The following UBLCP1 variants were observed in gnomAD, a reference collection of about 807,000 sequenced individuals.
UBLCP1 encodes ubiquitin like domain containing CTD phosphatase 1.
UBLCP1 carries 28 observed loss-of-function variants against 42.4 expected under a neutral mutation model. The ratio of observed to expected loss-of-function variants is 0.66; its 90% CI spans 0.49 to 0.90. The LOEUF is 0.90. Among genes scored for constraint, UBLCP1 ranks in the 40% least tolerant of loss-of-function variants. The pLI, the probability that UBLCP1 is intolerant of heterozygous loss-of-function variation, is 0.00. For synonymous variants in UBLCP1, 122 were observed against 120.8 expected (o/e 1.01, Z -0.07); for missense variants, 279 against 374.5 (o/e 0.75, Z 2.10).
At chr5:159,268,509 A>G (rs974791255) in intron 1 of UBLCP1, among the ~76,000 whole-genome samples, 1 of 152,344 alleles carries the variant, frequency 6.6e-6, no homozygotes, top group Middle Eastern at 3.4e-3. Flanking sequence ...TCTTAACTAC[A>G]CCACACTACC....
chr5:159,281,861 C>CA (rs5872593), intron 9 of UBLCP1, among the ~76,000 whole-genome samples: 5,375 of 142,100 alleles, frequency 0.038, 128 homozygotes, highest in African/African-American at 0.084. Context: ...AACTAATGAC[C>CA]AAAAAAAAAA....
In UBLCP1 at chr5:159,274,638, CA is replaced by C; in HGVS notation, c.585+18del. The C allele has an allele frequency of 6.2e-7, 1 of 1,601,932 alleles. No individual in the cohort carries two copies. The highest frequency in any genetic ancestry group is 8.5e-7 in the Non-Finnish European group (1 of 1,173,300). The stretch of plus-strand genomic sequence containing the variant: ...TAAAATGAAAGTAAGTGTTAGAAAG[CA>C]ATCCATTTAAAAATATTTTCAAACT... On this transcript the variant is annotated intron_variant, in intron 7 of 10. Transcript: ENST00000296786.
At position 159,269,004 on chromosome 5, in the gene UBLCP1, A is replaced by G; in HGVS notation, c.89A>G (p.Gln30Arg). 6 of 1,611,586 alleles carry G rather than the reference A, an allele frequency of 3.7e-6. No individual in the cohort carries two copies. Among genetic ancestry groups the G allele is most frequent in the Non-Finnish European group, 5.1e-6 (6 of 1,179,074 alleles). ...SEDDTVLDLKQFLKTLTGVLP... is the reference protein window; with the variant it reads ...SEDDTVLDLKRFLKTLTGVLP... ...GATGATACTGTGCTCGATCTCAAAC[A>G]GTTTCTCAAGACCCTTACAGGAGTT... The change falls in exon 2 of 11, where the codon CAG (glutamine) becomes CGG (arginine). Residue 30 changes from glutamine (Q) to arginine (R), a missense_variant. Gln to Arg is a conservative substitution (Grantham distance 43). Coordinates refer to ENST00000296786, the MANE Select transcript of UBLCP1 (RefSeq NM_145049.5).
intron 9 of UBLCP1, among the ~76,000 whole-genome samples, chr5:159,279,862 A>G (rs999837217): frequency 1.3e-5 from 2 of 152,212 alleles, no homozygotes; most frequent in East Asian, 3.8e-4. Context: ...TGTTCTTGCA[A>G]GGAGGTGATC....
chr5:159,274,757 AG>A, intron 7 of UBLCP1, 135 bp downstream of exon 7: 1 of 737,684 alleles, frequency 1.4e-6, no homozygotes. Context: ...TTGGGAGTAG[AG>A]GTGTTTTTAA....
At chr5:159,270,152 A>G (rs1753446798) in intron 3 of UBLCP1, among the ~76,000 whole-genome samples, 153 bp downstream of exon 3, 1 of 152,204 alleles carries the variant, frequency 6.6e-6, no homozygotes, top group Admixed American at 6.5e-5. Flanking sequence ...TAACTGTATA[A>G]GTATAGTAGT....
intron 9 of UBLCP1, 78 bp from the exon 10 acceptor site, chr5:159,283,134 T>TA: frequency 7.0e-7 from 1 of 1,419,560 alleles, no homozygotes; most frequent in Admixed American, 2.6e-5. Context: ...TCATTAACTC[T>TA]AATTGAAATG....
chr5:159,285,590 T>G lies in UBLCP1; in HGVS notation c.*659T>G, dbSNP rs2113326424. The G allele has an allele frequency of 6.6e-6, 1 of 152,450 alleles. No individual in the cohort carries two copies. Among genetic ancestry groups the G allele is most frequent in the East Asian group, 1.9e-4 (1 of 5,326 alleles). The allele number at this position is 152,450 out of a possible 1,614,324, so 9.4% of individuals were successfully genotyped here. A position where few individuals can be genotyped will look rare whatever the true frequency, so the allele number is the denominator to read the frequency against. Reference sequence around the variant, plus strand: ...CAAGTAAAGCTGGAAAATGTCAGTCTTGACACAGCTGTGTCTTAGTATGAG... The same window carrying G: ...CAAGTAAAGCTGGAAAATGTCAGTCGTGACACAGCTGTGTCTTAGTATGAG... On this transcript the variant is annotated 3_prime_UTR_variant, in exon 11 of 11. Coordinates refer to ENST00000296786, the MANE Select transcript of UBLCP1 (RefSeq NM_145049.5).
chr5:159,267,598 G>C (rs1753415018), intron 1 of UBLCP1, among the ~76,000 whole-genome samples: 1 of 152,184 alleles, frequency 6.6e-6, no homozygotes. Flanking sequence ...GCCAGGGGCA[G>C]AATGGTACAG....
At chr5:159,284,558 G>A (rs940235462) in intron 10 of UBLCP1, among the ~76,000 whole-genome samples, 31 of 152,174 alleles carry the variant, frequency 2.0e-4, no homozygotes, top group Non-Finnish European at 2.9e-5. Context: ...TGGAAGTAAG[G>A]CAGTATGGAG....
Position 159,273,548 on chromosome 5 carries a change from T to C in UBLCP1, c.548-1037T>C, listed in dbSNP as rs375045353. On this transcript the variant is annotated intron_variant, in intron 6 of 10. Coordinates refer to ENST00000296786, the MANE Select transcript of UBLCP1 (RefSeq NM_145049.5). Reference sequence around the variant, plus strand: ...AGTTGTAAGAATAGAAGTATCAATATAGCAACTAGTACTATGTCTGACATA... The same window carrying C: ...AGTTGTAAGAATAGAAGTATCAATACAGCAACTAGTACTATGTCTGACATA... 2.3e-3 allele frequency among the ~76,000 whole-genome samples: 343 copies of C among 152,296 alleles called. 1 individual carries two copies. The highest frequency in any genetic ancestry group is 7.9e-3 in the African/African-American group (327 of 41,586).
At chr5:159,270,773 A>G (rs1475911832) in intron 5 of UBLCP1, 130 bp downstream of exon 5, 1 of 571,112 alleles carries the variant, frequency 1.8e-6, no homozygotes, top group Non-Finnish European at 2.9e-6. Flanking sequence ...TTATTACAAA[A>G]GTAAATTGCT....
Position 159,275,227 on chromosome 5 carries a change from C to T in UBLCP1, c.665C>T (p.Pro222Leu). Residue 222 changes from proline to leucine, a missense_variant, in exon 8 of 11, where the codon CCA (proline) becomes CTA (leucine). By Grantham distance (98) the Pro-to-Leu change is moderately conservative. Coordinates refer to ENST00000296786, the MANE Select transcript of UBLCP1 (RefSeq NM_145049.5). ...GCTGCTATGATAACAGTACATACTC[C>T]AAGGAGAGGATTAATAGACGTAAGA... ...DSAAMITVHT[P>L]RRGLIDVKPL... is the part of the protein sequence containing the mutation. The T allele has an allele frequency of 6.2e-7, 1 of 1,612,256 alleles. No homozygotes were observed. Among genetic ancestry groups the T allele is most frequent in the Non-Finnish European group, 8.5e-7 (1 of 1,179,340 alleles).
chr5:159,284,626 T>C (rs1462001951), intron 10 of UBLCP1, among the ~76,000 whole-genome samples: 1 of 152,190 alleles, frequency 6.6e-6, no homozygotes, highest in Admixed American at 6.5e-5. Context: ...TCTTCCACTT[T>C]CTAGCTGTGT....
intron 1 of UBLCP1, among the ~76,000 whole-genome samples, chr5:159,268,002 C>G (rs1034341917): frequency 2.0e-5 from 3 of 151,408 alleles, no homozygotes; most frequent in Non-Finnish European, 4.4e-5. Context: ...TGAAGAGATA[C>G]AATTGTGGAG....
Position 159,277,447 on chromosome 5 carries a change from A to G in UBLCP1, c.685-791A>G, listed in dbSNP as rs186158706. On this transcript the variant is annotated intron_variant, in intron 8 of 10. Coordinates refer to ENST00000296786, the MANE Select transcript of UBLCP1 (RefSeq NM_145049.5). The stretch of plus-strand genomic sequence containing the variant: ...TACCGTAAGACTTCTGTCTTCAGCA[A>G]AAGTAATTTTCTAGAAATTTAAAAA... Among the ~76,000 whole-genome samples, 705 of 152,252 alleles carry G rather than the reference A, an allele frequency of 4.6e-3. 7 individuals carry two copies. Among genetic ancestry groups the G allele is most frequent in the African/African-American group, 0.016 (665 of 41,556 alleles).
At chr5:159,274,438 A>C (rs187931867) in intron 6 of UBLCP1, 147 bp from the exon 7 acceptor site, 1 of 563,834 alleles carries the variant, frequency 1.8e-6, no homozygotes, top group East Asian at 3.2e-5. Flanking sequence ...TCAATATTTA[A>C]AAGAAAATTA....
At chr5:159,270,704 CTT>C in intron 5 of UBLCP1, 61 bp downstream of exon 5, 1 of 1,019,724 alleles carries the variant, frequency 9.8e-7, no homozygotes, top group Non-Finnish European at 1.4e-6. Context: ...TTTTTCTTTT[CTT>C]TGTTTTTTTT....
At chr5:159,273,928 A>G (rs1038085847) in intron 6 of UBLCP1, among the ~76,000 whole-genome samples, 1 of 152,090 alleles carries the variant, frequency 6.6e-6, no homozygotes, top group African/African-American at 2.4e-5. Context: ...ATACCTGTAT[A>G]GTTTAGTCCA....
Sources: gnomAD v4.1 joint callset for allele counts (sites outside exome capture counted in the v4.1 genomes callset) on GRCh38, gnomAD v4.1.1 for gene constraint, MANE v1.5 for transcripts, NCBI Gene and HGNC (gene_info 2026-07-23, HGNC 2026-07-21) for gene names.